Variants in SLC5A4 observed in about 807,000 individuals in gnomAD.
SLC5A4 encodes the protein probable glucose sensor protein SLC5A4.
SLC5A4 carries 55 observed loss-of-function variants against 70.3 expected under a neutral mutation model. That is an observed-to-expected ratio of 0.78 (90% CI 0.63 to 0.98). The LOEUF (loss-of-function observed/expected upper bound fraction) is 0.98, where lower values mean the gene tolerates loss of function less well. Ranked by LOEUF, SLC5A4 falls within the 50% of genes least tolerant of loss-of-function variation. SLC5A4 has a pLI of 0.00. For synonymous variants in SLC5A4, 268 were observed against 305.7 expected, an observed-to-expected ratio of 0.88 and a Z score of 1.29; for missense variants, 735 against 839.2, an observed-to-expected ratio of 0.88 and a Z score of 1.53.
the SLC5A4 span, among the ~76,000 whole-genome samples, chr22:32,277,557 AT>A: frequency 6.6e-6 from 1 of 151,628 alleles, no homozygotes; most frequent in Non-Finnish European, 1.5e-5. Context: ...TTACTTATTT[AT>A]TTTTTTTGAG....
At chr22:32,242,082 A>G (rs1403073986) in intron 5 of SLC5A4, among the ~76,000 whole-genome samples, 1 of 152,086 alleles carries the variant, frequency 6.6e-6, no homozygotes, top group Admixed American at 6.6e-5. Context: ...TGTGTGTGTG[A>G]ATATATCTAT....
chr22:32,305,637 C>A, the SLC5A4 span, among the ~76,000 whole-genome samples: 1 of 138,718 alleles, frequency 7.2e-6, no homozygotes, highest in Non-Finnish European at 1.5e-5. Flanking sequence ...CTCCTGCTGG[C>A]GGGTGGGGCC....
At chr22:32,288,981 G>C in the SLC5A4 span, among the ~76,000 whole-genome samples, 1 of 151,964 alleles carries the variant, frequency 6.6e-6, no homozygotes, top group Non-Finnish European at 1.5e-5. Context: ...TGTACTGCCT[G>C]GGACTTCATA....
chr22:32,251,251 A>G (rs546663057), intron 3 of SLC5A4, among the ~76,000 whole-genome samples: 1 of 150,814 alleles, frequency 6.6e-6, no homozygotes, highest in East Asian at 2.0e-4. Flanking sequence ...CCTGGATGCT[A>G]TGGTTTCAAC....
At chr22:32,268,976 C>T in the SLC5A4 span, among the ~76,000 whole-genome samples, 27 of 151,778 alleles carry the variant, frequency 1.8e-4, no homozygotes, top group African/African-American at 2.4e-4. Context: ...GCTTACTGCA[C>T]GCTCTGCCTT....
chr22:32,278,167 A>C, the SLC5A4 span, among the ~76,000 whole-genome samples: 1 of 152,240 alleles, frequency 6.6e-6, no homozygotes, highest in Non-Finnish European at 1.5e-5. Context: ...TATGACAACT[A>C]AGTTTCCAAA....
At chr22:32,347,771 C>G in the SLC5A4 span, among the ~76,000 whole-genome samples, 20 of 151,448 alleles carry the variant, frequency 1.3e-4, no homozygotes, top group Non-Finnish European at 2.4e-4. Flanking sequence ...CGAGTTAATG[C>G]GTGCAGCACA....
chr22:32,250,925 G>A (rs1927102823), intron 3 of SLC5A4, among the ~76,000 whole-genome samples: 1 of 151,742 alleles, frequency 6.6e-6, no homozygotes, highest in African/African-American at 2.4e-5. Context: ...ATGGACACAG[G>A]GAGGGGAACA....
the SLC5A4 span, among the ~76,000 whole-genome samples, chr22:32,350,885 A>G: frequency 6.6e-6 from 1 of 151,596 alleles, no homozygotes; most frequent in South Asian, 2.1e-4. Context: ...AATACAATGC[A>G]TAAATTTCTA....
At chr22:32,308,076 C>T in the SLC5A4 span, among the ~76,000 whole-genome samples, 3 of 150,590 alleles carry the variant, frequency 2.0e-5, no homozygotes, top group Non-Finnish European at 2.9e-5. Context: ...TTCCTTCTTA[C>T]CTACCTACCT....
chr22:32,333,196 A>ACCGC, the SLC5A4 span, among the ~76,000 whole-genome samples: 105 of 136,890 alleles, frequency 7.7e-4, 3 homozygotes, highest in Admixed American at 7.6e-3. Context: ...TAGCACTGGC[A>ACCGC]CCCCCCCCCC....
At chr22:32,345,737 A>G in the SLC5A4 span, among the ~76,000 whole-genome samples, 1 of 152,210 alleles carries the variant, frequency 6.6e-6, no homozygotes, top group South Asian at 2.1e-4. Context: ...GGTCCCCCCA[A>G]CTAGTAAGAT....
the SLC5A4 span, among the ~76,000 whole-genome samples, chr22:32,321,828 A>G: frequency 6.6e-6 from 1 of 152,216 alleles, no homozygotes; most frequent in Non-Finnish European, 1.5e-5. Context: ...ATAGTATTCC[A>G]TGGTGCCTAT....
At chr22:32,258,935 C>T (rs1927617642), upstream of SLC5A4, among the ~76,000 whole-genome samples, 1 of 152,170 alleles carries the variant, frequency 6.6e-6, no homozygotes, top group South Asian at 2.1e-4. Flanking sequence ...GTGCATGAAC[C>T]TTGAGGACAT....
the SLC5A4 span, among the ~76,000 whole-genome samples, chr22:32,342,721 A>G: frequency 2.3e-4 from 35 of 152,364 alleles, no homozygotes; most frequent in South Asian, 4.3e-3. Flanking sequence ...TCAATATTAT[A>G]ATAATTCTGA....
At chr22:32,272,313 G>A in the SLC5A4 span, 64 of 824,156 alleles carry the variant, frequency 7.8e-5, no homozygotes, top group Admixed American at 2.4e-4. Flanking sequence ...GAAGGGGCCC[G>A]TGACTGCCCT....
the SLC5A4 span, among the ~76,000 whole-genome samples, chr22:32,339,146 C>T: frequency 2.0e-5 from 3 of 152,120 alleles, no homozygotes; most frequent in East Asian, 3.9e-4. Flanking sequence ...ATTAGAGACG[C>T]GCAAAAGCAG....
chr22:32,326,480 C>T, the SLC5A4 span, among the ~76,000 whole-genome samples: 2 of 152,024 alleles, frequency 1.3e-5, no homozygotes, highest in African/African-American at 4.8e-5. Context: ...GTCTCAAACT[C>T]CTGACCTCAG....
chr22:32,272,905 G>T, the SLC5A4 span: 11 of 521,090 alleles, frequency 2.1e-5, no homozygotes, highest in Non-Finnish European at 4.2e-5. Context: ...ACACCACACA[G>T]GCCTCAACCT....
Sources: allele counts gnomAD v4.1 joint callset (sites outside exome capture counted in the v4.1 genomes callset), GRCh38; gene constraint gnomAD v4.1.1; transcripts MANE v1.5; gene names NCBI Gene and HGNC (gene_info 2026-07-23, HGNC 2026-07-21).